The following REPS1 variants were observed in gnomAD, a reference collection of about 807,000 sequenced individuals.
The protein encoded by REPS1 is RALBP1 associated Eps domain containing 1.
A neutral mutation model predicts 100.9 loss-of-function variants in REPS1; 39 were observed. The ratio of observed to expected loss-of-function variants is 0.39; its 90% CI spans 0.30 to 0.50. The LOEUF is 0.50. Among genes scored for constraint, REPS1 ranks in the 20% least tolerant of loss-of-function variants. The pLI, the probability that REPS1 is intolerant of heterozygous loss-of-function variation, is 0.86. For synonymous variants in REPS1, 324 were observed against 340.3 expected (o/e 0.95, Z 0.53); for missense variants, 821 against 968.5 (o/e 0.85, Z 2.02).
intron 1 of REPS1, among the ~76,000 whole-genome samples, chr6:138,977,082 T>C (rs1784638613): frequency 6.6e-6 from 1 of 152,232 alleles, no homozygotes; most frequent in African/African-American, 2.4e-5. Flanking sequence ...GTATAATTTA[T>C]ACACCATAAA....
At chr6:138,925,321 C>T (rs1000859252) in intron 10 of REPS1, among the ~76,000 whole-genome samples, 2 of 152,050 alleles carry the variant, frequency 1.3e-5, no homozygotes, top group African/African-American at 2.4e-5. Context: ...GAGCTGAGAT[C>T]GCACCACTGC....
At position 138,907,313 on chromosome 6, in the gene REPS1, AGTGT is replaced by A. The variant is rs6149828; in HGVS notation, c.2322+178_2322+181del. On this transcript the variant is annotated intron_variant, in intron 19 of 19. Transcript: ENST00000450536. ...GTGTCTCTTTAAAAAAAAAAAAAAA[AGTGT>A]GTGTGTGTGTGTGTGTGTGTGTGGC... 464 of 134,904 alleles carry A rather than the reference AGTGT, an allele frequency of 3.4e-3. 2 individuals are homozygous for A. The highest frequency in any genetic ancestry group is 0.01 in the East Asian group (100 of 9,986). 8.4% of individuals were successfully genotyped at this position (134,904 alleles called of 1,614,324 possible).
chr6:138,924,191 C>G (rs1233628888), intron 10 of REPS1, among the ~76,000 whole-genome samples: 1 of 151,898 alleles, frequency 6.6e-6, no homozygotes, highest in African/African-American at 2.4e-5. Flanking sequence ...TTAAGTTTGC[C>G]AACATAAAAT....
chr6:138,913,589 G>T (rs777682438), intron 15 of REPS1, among the ~76,000 whole-genome samples: 3 of 152,198 alleles, frequency 2.0e-5, no homozygotes, highest in South Asian at 2.1e-4. Context: ...TTAAAATAGA[G>T]TGTGAGATGT....
intron 1 of REPS1, among the ~76,000 whole-genome samples, chr6:138,964,847 A>G (rs1783927784): frequency 6.6e-6 from 1 of 152,076 alleles, no homozygotes; most frequent in South Asian, 2.1e-4. Context: ...AAGAGAACTC[A>G]CCATCACAAT....
Position 138,945,361 on chromosome 6 carries a change from G to A in REPS1, c.486C>T (p.Ser162=), listed in dbSNP as rs1562542119. The stretch of plus-strand genomic sequence containing the variant: ...GGGATTGCTGTGGTGAAACTACTGG[G>A]GATGCAGGTTCCTAGAAAAGAATAT... ...RTSADAQEPA[S]PVVSPQQSPP... is the part of the protein sequence containing the mutation. The change falls in exon 4 of 20, where the codon TCC becomes TCT. Residue 162 remains serine, a synonymous_variant. Transcript: ENST00000450536. The A allele has an allele frequency of 4.4e-6, 7 of 1,601,472 alleles. No individual in the cohort carries two copies. The highest frequency in any genetic ancestry group is 5.9e-6 in the Non-Finnish European group (7 of 1,176,528).
At chr6:138,909,947 G>GA (rs1184780635) in intron 17 of REPS1, among the ~76,000 whole-genome samples, 5 of 151,256 alleles carry the variant, frequency 3.3e-5, no homozygotes, top group Non-Finnish European at 5.9e-5. Flanking sequence ...CTAGATAACA[G>GA]AAAAAAAAAG....
At position 138,943,971 on chromosome 6, in the gene REPS1, A is replaced by C. The variant is rs775996059; in HGVS notation, c.798T>G (p.Ile266Met). 1 of 1,613,816 alleles carries C rather than the reference A, an allele frequency of 6.2e-7. No individual in the cohort carries two copies. The change falls in exon 6 of 20, where the codon ATT becomes ATG. Residue 266 changes from isoleucine (I) to methionine (M), a missense_variant. Physicochemically the swap from Ile to Met is conservative, Grantham distance 10. Transcript: ENST00000450536. ...AACTACTGGATTGCCTACGAATTTCAATGGCAGTTGTAGCTGATGCTACAG... is the reference window on the plus strand; with the variant it reads ...AACTACTGGATTGCCTACGAATTTCCATGGCAGTTGTAGCTGATGCTACAG... ...VRTVASATTA[I>M]EIRRQSSSYD...
At chr6:138,984,242 T>C (rs183161880) in intron 1 of REPS1, among the ~76,000 whole-genome samples, 3 of 151,968 alleles carry the variant, frequency 2.0e-5, no homozygotes, top group East Asian at 1.9e-4. Flanking sequence ...CGCCACCACA[T>C]GCGGCTAATT....
intron 1 of REPS1, among the ~76,000 whole-genome samples, chr6:138,948,552 T>A (rs1782787659): frequency 6.6e-6 from 1 of 152,198 alleles, no homozygotes; most frequent in Non-Finnish European, 1.5e-5. Context: ...ATCATTCCAG[T>A]CTTTCAACAA....
chr6:138,928,063 T>C (rs1039376785), intron 9 of REPS1: 4 of 152,196 alleles, frequency 2.6e-5, no homozygotes, highest in East Asian at 1.9e-4. Context: ...ATCATCTTCA[T>C]ACTTAATTTT....
intron 9 of REPS1, chr6:138,929,381 T>C (rs1354160051): frequency 6.6e-6 from 1 of 152,196 alleles, no homozygotes; most frequent in Non-Finnish European, 1.5e-5. Context: ...GAACAGTGCA[T>C]GTGTCCCAAA....
chr6:138,936,903 T>C (rs1394957072), intron 8 of REPS1, among the ~76,000 whole-genome samples: 1 of 152,230 alleles, frequency 6.6e-6, no homozygotes, highest in African/African-American at 2.4e-5. Context: ...GAATCATAAA[T>C]GTGATAGCTC....
chr6:138,944,736 TTTCTG>T (rs1463921485), intron 4 of REPS1, 114 bp from the exon 5 acceptor site: 9 of 1,009,812 alleles, frequency 8.9e-6, no homozygotes, highest in East Asian at 2.5e-5. Flanking sequence ...AATGGAATCT[TTTCTG>T]TTCTATTAGA....
At position 138,945,523 on chromosome 6, in the gene REPS1, G is replaced by C; in HGVS notation, c.452C>G (p.Pro151Arg). The C allele has an allele frequency of 6.2e-7, 1 of 1,609,184 alleles. No homozygotes were observed. Among genetic ancestry groups the C allele is most frequent in the Non-Finnish European group, 8.5e-7 (1 of 1,178,078 alleles). Residue 151 changes from proline (P) to arginine (R), a missense_variant, in exon 3 of 20, where the codon CCT (proline) becomes CGT (arginine). Pro to Arg is a moderately radical substitution (Grantham distance 103, BLOSUM62 -2). This residue lies in a region of REPS1 where 757 missense variants were observed against 866.4 expected (regional missense o/e 0.87). Transcript: ENST00000450536. ...KGSVSHDTVQ[P>R]RTSADAQEPA... is the part of the protein sequence containing the mutation. ...TACCTGTGCATCTGCAGATGTACGA[G>C]GCTGAACCGTATCATGGCTTACGGA...
At chr6:138,948,505 T>C (rs1407673045) in intron 1 of REPS1, among the ~76,000 whole-genome samples, 1 of 152,198 alleles carries the variant, frequency 6.6e-6, no homozygotes, top group Non-Finnish European at 1.5e-5. Context: ...AAAATTTGTC[T>C]TTTTTAGAGC....
intron 1 of REPS1, among the ~76,000 whole-genome samples, chr6:138,971,484 T>C (rs1784341936): frequency 1.3e-5 from 2 of 150,580 alleles, no homozygotes; most frequent in African/African-American, 2.4e-5. Context: ...AAAAAAAAAG[T>C]ATACGCTATA....
At position 138,945,661 on chromosome 6, in the gene REPS1, T is replaced by C; in HGVS notation, c.314A>G (p.Lys105Arg). The part of the protein sequence containing the change: ...DLPLPRFVAS[K>R]NEQESRHAAS... ...TGCATGGCGAGATTCCTGTTCATTC[T>C]TTGAAGCAACAAATCTTGGCAGAGG... Residue 105 changes from lysine (K) to arginine (R), a missense_variant, in exon 3 of 20, where the codon AAG (lysine) becomes AGG (arginine). Lys to Arg is a conservative substitution (Grantham distance 26). Transcript: ENST00000450536. The C allele has an allele frequency of 6.2e-7, 1 of 1,610,198 alleles. No homozygotes were observed. The highest frequency in any genetic ancestry group is 1.1e-5 in the South Asian group (1 of 90,138).
At chr6:138,941,917 C>T (rs1782281384) in intron 7 of REPS1, among the ~76,000 whole-genome samples, 2 of 152,156 alleles carry the variant, frequency 1.3e-5, no homozygotes, top group African/African-American at 2.4e-5. Context: ...CTCGCTCTGT[C>T]ACCCAGGCTG....
Sources: gnomAD v4.1 joint callset for allele counts (sites outside exome capture counted in the v4.1 genomes callset) on GRCh38, gnomAD v4.1.1 for gene constraint, gnomAD v4.1.1 regional missense constraint, MANE v1.5 for transcripts, NCBI Gene and HGNC (gene_info 2026-07-23, HGNC 2026-07-21) for gene names.